HEXD: variants seen among roughly 807,000 people sequenced by gnomAD.
HEXD encodes N-acetyl-beta-galactosaminidase.
In HEXD, 47 loss-of-function variants were observed where a neutral mutation model predicts 54.2. The ratio of observed to expected loss-of-function variants is 0.87; its 90% CI spans 0.69 to 1.11. The LOEUF is 1.11. HEXD is among the 50% of genes least tolerant of loss of function. HEXD has a pLI of 0.00. For synonymous variants in HEXD, 293 were observed against 287.6 expected, an observed-to-expected ratio of 1.02 and a Z score of -0.19; for missense variants, 576 against 649.2, an observed-to-expected ratio of 0.89 and a Z score of 1.23.
Position 82,424,504 on chromosome 17 carries a change from G to C in HEXD, c.194+1G>C, listed in dbSNP as rs1212232790. ...TGCTGAGGGCCAAGTACGCCTACAG[G>C]TAACACTGCCCGTGGCAGGTACAGG... On this transcript the variant is annotated splice_donor_variant, in intron 3 of 12. Transcript: ENST00000327949. LOFTEE classifies it high-confidence loss of function. 1 of 1,605,260 alleles carries C rather than the reference G, an allele frequency of 6.2e-7. No homozygotes were observed. Among genetic ancestry groups the C allele is most frequent in the Admixed American group, 1.7e-5 (1 of 60,014 alleles).
In HEXD at chr17:82,442,267, G is replaced by A. The variant is rs919992934; in HGVS notation, c.1344G>A (p.Glu448=). Residue 448 remains glutamate (E), a synonymous_variant, in exon 13 of 13, where the codon GAG becomes GAA. Transcript: ENST00000327949. The surrounding 1 kb of genome is among the most constrained non-coding windows in gnomAD (Gnocchi z 6.8). ...FYPDAVEEWL[E]ENVHPSLQRL... ...CGGATGCCGTGGAGGAGTGGCTGGAGGAAAACGTGCACCCCAGCCTGCAGC... is the reference window on the plus strand; with the variant it reads ...CGGATGCCGTGGAGGAGTGGCTGGAAGAAAACGTGCACCCCAGCCTGCAGC... 5 of 1,607,056 alleles carry A rather than the reference G, an allele frequency of 3.1e-6. No homozygotes were observed. In the South Asian group the frequency reaches 4.4e-5, roughly 14 times the overall value.
At chr17:82,436,485 G>T (rs567743145) in intron 6 of HEXD, among the ~76,000 whole-genome samples, 182 bp from the exon 7 acceptor site, 2 of 152,246 alleles carry the variant, frequency 1.3e-5, no homozygotes, top group Non-Finnish European at 2.9e-5. Flanking sequence ...TCCAGCGGGC[G>T]CTGGCTTGGA....
intron 4 of HEXD, among the ~76,000 whole-genome samples, 157 bp from the exon 5 acceptor site, chr17:82,433,501 C>G (rs2053670151): frequency 6.6e-6 from 1 of 152,216 alleles, no homozygotes; most frequent in Non-Finnish European, 1.5e-5. Context: ...CTACCCACCT[C>G]AGCCCCCACA....
In HEXD at chr17:82,433,091, AATATATATATATATATAT is replaced by A. The variant is rs1555617646; in HGVS notation, c.283-546_283-529del. ...AAAAAAAAAAAGAAAAAAAAAAAAA[AATATATATATATATATAT>A]ATATATATATATATATATATTTTTT... is the stretch of plus-strand genomic sequence containing the variant. On this transcript the variant is annotated intron_variant, in intron 4 of 12. Coordinates refer to ENST00000327949, the MANE Select transcript of HEXD (RefSeq NM_001330542.2). Among the ~76,000 whole-genome samples the A allele has an allele frequency of 1.5e-4, 2 of 13,234 alleles. 1 individual carries two copies. Among genetic ancestry groups the A allele is most frequent in the African/African-American group, 1.2e-3 (2 of 1,654 alleles). The allele number at this position is 13,234 out of a possible 152,430, so 8.7% of individuals were successfully genotyped here. A position where few individuals can be genotyped will look rare whatever the true frequency, so the allele number is the denominator to read the frequency against.
chr17:82,423,244 GAGGTGCCCTC>G (rs2053289981), intron 2 of HEXD: 1 of 152,122 alleles, frequency 6.6e-6, no homozygotes, highest in South Asian at 2.1e-4. Context: ...TTTTCTGACC[GAGGTGCCCTC>G]AGGTGGTCAC....
chr17:82,431,211 C>T (rs1366803348), intron 4 of HEXD, among the ~76,000 whole-genome samples: 2 of 151,874 alleles, frequency 1.3e-5, no homozygotes, highest in African/African-American at 2.4e-5. Context: ...ACTATGTTGC[C>T]CAGACTGGTC....
intron 7 of HEXD, 99 bp downstream of exon 7, chr17:82,436,837 G>A: frequency 8.8e-7 from 1 of 1,137,262 alleles, no homozygotes; most frequent in Non-Finnish European, 1.3e-6. Flanking sequence ...CCAGCCTGGA[G>A]CCTGCACGGG....
chr17:82,432,987 A>G (rs1336553932), intron 4 of HEXD, among the ~76,000 whole-genome samples: 1 of 140,554 alleles, frequency 7.1e-6, no homozygotes, highest in African/African-American at 2.7e-5. Flanking sequence ...AATGGTGTGA[A>G]CCTGGGAGGC....
chr17:82,423,900 G>A (rs1281632542), intron 2 of HEXD, among the ~76,000 whole-genome samples: 1 of 151,368 alleles, frequency 6.6e-6, no homozygotes, highest in Non-Finnish European at 1.5e-5. Flanking sequence ...AGGAACGAAT[G>A]AGTTCTGCAC....
In HEXD at chr17:82,441,029, G is replaced by A; in HGVS notation, c.1015G>A (p.Glu339Lys). ...TGATGAAGATGTTAAAGCGAAAGTG[G>A]AGAACCTTCTCGGGATTTCCAGCCT... The part of the protein sequence containing the change: ...GFDEDVKAKV[E>K]NLLGISSLEK... The change falls in exon 10 of 13, where the codon GAG becomes AAG. Residue 339 changes from glutamate to lysine, a missense_variant. Glu to Lys is a moderately conservative substitution (Grantham distance 56). Coordinates refer to ENST00000327949, the MANE Select transcript of HEXD (RefSeq NM_001330542.2). 1 of 1,613,638 alleles carries A rather than the reference G, an allele frequency of 6.2e-7. No homozygotes were observed. Among genetic ancestry groups the A allele is most frequent in the Non-Finnish European group, 8.5e-7 (1 of 1,180,002 alleles).
In HEXD at chr17:82,424,513, C is replaced by T; in HGVS notation, c.194+10C>T. 1 of 1,593,418 alleles carries T rather than the reference C, an allele frequency of 6.3e-7. No individual in the cohort carries two copies. On this transcript the variant is annotated intron_variant, in intron 3 of 12. Coordinates refer to ENST00000327949, the MANE Select transcript of HEXD (RefSeq NM_001330542.2). ...CCAAGTACGCCTACAGGTAACACTG[C>T]CCGTGGCAGGTACAGGGGCGCGGCG...
At chr17:82,421,607 CCT>C (rs2053238332) in intron 2 of HEXD, among the ~76,000 whole-genome samples, 3 of 152,208 alleles carry the variant, frequency 2.0e-5, no homozygotes, top group Non-Finnish European at 4.4e-5. Context: ...GGACAGATCA[CCT>C]GAGGTCAGGA....
rs1166999097 is a variant in HEXD at position 82,434,325 on chromosome 17, C to T, written c.447+503C>T. 2.6e-5 allele frequency among the ~76,000 whole-genome samples: 4 copies of T among 152,316 alleles called. No individual in the cohort carries two copies. Among genetic ancestry groups the T allele is most frequent in the African/African-American group, 9.6e-5 (4 of 41,560 alleles). ...TGCCCCCTCCAACCCAGTGAGCCCC[C>T]ACCCTTGCCCCTCCTGCCACTCACT... is the stretch of plus-strand genomic sequence containing the variant. On this transcript the variant is annotated intron_variant, in intron 5 of 12. Coordinates refer to ENST00000327949, the MANE Select transcript of HEXD (RefSeq NM_001330542.2). The surrounding 1 kb of genome is among the most constrained non-coding windows in gnomAD (Gnocchi z 4.5).
intron 2 of HEXD, among the ~76,000 whole-genome samples, chr17:82,421,905 G>A (rs560965591): frequency 1.3e-5 from 2 of 152,008 alleles, no homozygotes; most frequent in Non-Finnish European, 2.9e-5. Flanking sequence ...GGCCAGGCAC[G>A]GTGGCTCACG....
At chr17:82,431,664 G>C (rs781098147) in intron 4 of HEXD, among the ~76,000 whole-genome samples, 2 of 151,924 alleles carry the variant, frequency 1.3e-5, no homozygotes, top group Admixed American at 6.6e-5. Flanking sequence ...TGATCTGCCC[G>C]CTTCGGCCTC....
intron 4 of HEXD, among the ~76,000 whole-genome samples, chr17:82,433,077 G>GAAAAAAAAAAAAAAAAAAA (rs71168108): frequency 3.8e-4 from 3 of 7,836 alleles, no homozygotes; most frequent in Non-Finnish European, 5.5e-4. Flanking sequence ...AAAAAAAAAA[G>GAAAAAAAAAAAAAAAAAAA]AAAAAAAAAA....
intron 8 of HEXD, 112 bp from the exon 9 acceptor site, chr17:82,439,519 G>A (rs887750213): frequency 5.4e-6 from 8 of 1,475,058 alleles, no homozygotes; most frequent in African/African-American, 1.4e-5. Flanking sequence ...TGCCCCCAGC[G>A]CTGATGTAGC....
chr17:82,437,091 A>T, intron 7 of HEXD, 77 bp from the exon 8 acceptor site: 1 of 1,313,650 alleles, frequency 7.6e-7, no homozygotes, highest in Non-Finnish European at 1.1e-6. Flanking sequence ...GGCTCTGGGT[A>T]CAGCCCCGGG....
chr17:82,429,940 C>T (rs1441489107), intron 4 of HEXD, among the ~76,000 whole-genome samples: 9 of 152,166 alleles, frequency 5.9e-5, no homozygotes, highest in Non-Finnish European at 1.2e-4. Flanking sequence ...GCCTGCTGGT[C>T]GCTTCCATTG....
Sources: allele counts gnomAD v4.1 joint callset (sites outside exome capture counted in the v4.1 genomes callset), GRCh38; gene constraint gnomAD v4.1.1; non-coding constraint Gnocchi (gnomAD v3.1); transcripts MANE v1.5; gene names NCBI Gene and HGNC (gene_info 2026-07-23, HGNC 2026-07-21).